The following WDR47 variants were observed in gnomAD, a reference collection of about 807,000 sequenced individuals.
WDR47 encodes WD repeat-containing protein 47.
A neutral mutation model predicts 97.2 loss-of-function variants in WDR47; 32 were observed. That is an observed-to-expected ratio of 0.33 (90% CI 0.25 to 0.44). The LOEUF (loss-of-function observed/expected upper bound fraction) is 0.44. Among genes scored for constraint, WDR47 ranks in the 20% least tolerant of loss-of-function variants. WDR47 has a pLI of 1.00. For synonymous variants in WDR47, 375 were observed against 373.5 expected, an observed-to-expected ratio of 1.00 and a Z score of -0.05; for missense variants, 782 against 1,102.3, an observed-to-expected ratio of 0.71 and a Z score of 4.11.
rs1658072860 is a variant in WDR47, at chr1:108,978,263, CA to C, written c.2398+3469del. On this transcript the variant is annotated intron_variant, in intron 13 of 14. Coordinates refer to ENST00000369962, the MANE Select transcript of WDR47 (RefSeq NM_001142551.2). ...GGCCGAGGCAGGCGGATCACGAGGT[CA>C]GGAGATCGAGACCATCCTGGCTAAC... Among the ~76,000 whole-genome samples the C allele has an allele frequency of 2.6e-5, 4 of 151,526 alleles. No homozygotes were observed. The South Asian group carries it at 8.4e-4, about 32-fold the overall frequency.
intron 11 of WDR47, 149 bp downstream of exon 11, chr1:108,983,133 A>C (rs1308618408): frequency 1.2e-6 from 1 of 849,242 alleles, no homozygotes; most frequent in African/African-American, 1.8e-5. Flanking sequence ...ATACCTCATG[A>C]ATGTAACTAA....
chr1:109,021,430 A>C (rs1174291098), intron 2 of WDR47, among the ~76,000 whole-genome samples: 1 of 150,730 alleles, frequency 6.6e-6, no homozygotes, highest in East Asian at 2.0e-4. Context: ...TGGGAGGCTA[A>C]GGCGAGAGAA....
Position 108,971,178 on chromosome 1 carries a change from A to G in WDR47, c.*252T>C. ...ACTTGGAGTGCACACCAACAACTGA[A>G]GAGCTCTTCTGCAGACTTTGGCAAC... is the stretch of plus-strand genomic sequence containing the variant. On this transcript the variant is annotated 3_prime_UTR_variant, in exon 15 of 15. Transcript: ENST00000369962. 1 of 422,240 alleles carries G rather than the reference A, an allele frequency of 2.4e-6. No homozygotes were observed. Among genetic ancestry groups the G allele is most frequent in the Non-Finnish European group, 4.2e-6 (1 of 235,418 alleles). 26.2% of individuals were successfully genotyped at this position (422,240 alleles called of 1,614,324 possible). A position where few individuals can be genotyped will look rare whatever the true frequency, so the allele number is the denominator to read the frequency against.
intron 5 of WDR47, 61 bp from the exon 6 acceptor site, chr1:109,004,776 T>C: frequency 6.6e-7 from 1 of 1,508,470 alleles, no homozygotes; most frequent in East Asian, 2.4e-5. Flanking sequence ...GAAAATATAT[T>C]TTAGTTAGAG....
At chr1:109,037,207 T>C (rs1182593068) in intron 1 of WDR47, among the ~76,000 whole-genome samples, 1 of 151,850 alleles carries the variant, frequency 6.6e-6, no homozygotes, top group East Asian at 2.0e-4. Flanking sequence ...CACATGCCGG[T>C]AATCCCAGCT....
chr1:108,979,798 C>G (rs1484705073), intron 13 of WDR47, among the ~76,000 whole-genome samples: 1 of 152,024 alleles, frequency 6.6e-6, no homozygotes, highest in African/African-American at 2.4e-5. Context: ...TTATTTTAAC[C>G]AGGGCAATGC....
intron 14 of WDR47, among the ~76,000 whole-genome samples, chr1:108,973,000 GTCTC>G (rs1210661884): frequency 6.7e-6 from 1 of 149,244 alleles, no homozygotes. Flanking sequence ...ATTCTTCTGT[GTCTC>G]TCTCTCTTAG....
rs988937861 is a variant in WDR47 at position 109,007,113 on chromosome 1, T to A, written c.1131-2398A>T. Among the ~76,000 whole-genome samples, 3 of 150,486 alleles carry A rather than the reference T, an allele frequency of 2.0e-5. No homozygotes were observed. In the South Asian group the frequency reaches 6.3e-4, roughly 32 times the overall value. On this transcript the variant is annotated intron_variant, in intron 5 of 14. Transcript: ENST00000369962. ...CCACCATGCTTGGCTAATATTTTTG[T>A]ATTTTTCTGTAGAGACAAGTTTTCA... is the stretch of plus-strand genomic sequence containing the variant.
intron 9 of WDR47, among the ~76,000 whole-genome samples, chr1:108,990,971 T>C (rs749927751): frequency 1.7e-4 from 26 of 151,848 alleles, no homozygotes; most frequent in Admixed American, 1.2e-3. Flanking sequence ...ATACCAACAT[T>C]AGCAGTAAAA....
intron 7 of WDR47, among the ~76,000 whole-genome samples, chr1:108,998,849 A>C (rs975423951): frequency 2.6e-5 from 4 of 152,230 alleles, no homozygotes; most frequent in African/African-American, 9.6e-5. Context: ...TATAGATTCT[A>C]TCTCCATTCA....
At chr1:108,989,479 A>G (rs1659145973) in intron 9 of WDR47, among the ~76,000 whole-genome samples, 2 of 152,350 alleles carry the variant, frequency 1.3e-5, no homozygotes, top group South Asian at 2.1e-4. Context: ...TTCTGATATT[A>G]TTTGTATGAA....
At position 108,974,600 on chromosome 1, in the gene WDR47, G is replaced by A; in HGVS notation, c.2553C>T (p.Ser851=). 1 of 1,614,090 alleles carries A rather than the reference G, an allele frequency of 6.2e-7. No individual in the cohort carries two copies. The highest frequency in any genetic ancestry group is 8.5e-7 in the Non-Finnish European group (1 of 1,180,000). The stretch of plus-strand genomic sequence containing the variant: ...CTGTTAGCAAGTAGTGAGCTCCAGG[G>A]GAGAATCGAACAGAGCGAACATCAC... ...HSSDVRSVRF[S]PGAHYLLTGS... is the part of the protein sequence containing the mutation. The change falls in exon 14 of 15, where the codon TCC becomes TCT. Residue 851 remains serine, a synonymous_variant. Coordinates refer to ENST00000369962, the MANE Select transcript of WDR47 (RefSeq NM_001142551.2).
At chr1:108,981,577 A>C (rs1357170987) in intron 13 of WDR47, among the ~76,000 whole-genome samples, 156 bp downstream of exon 13, 5 of 152,234 alleles carry the variant, frequency 3.3e-5, no homozygotes, top group Admixed American at 3.3e-4. Flanking sequence ...ATAAGGTAAC[A>C]AATGCAAGTA....
intron 10 of WDR47, among the ~76,000 whole-genome samples, chr1:108,984,739 A>ATGG (rs1301313655): frequency 6.6e-6 from 1 of 152,070 alleles, no homozygotes; most frequent in Non-Finnish European, 1.5e-5. Flanking sequence ...TCAGCTAGGC[A>ATGG]TCGTGGTGCA....
chr1:108,995,488 A>G (rs1180535027), intron 8 of WDR47, 92 bp downstream of exon 8: 20 of 1,482,780 alleles, frequency 1.3e-5, no homozygotes. Flanking sequence ...AGCTCTAAAA[A>G]CTTTTATTTA....
chr1:109,006,945 A>AT (rs990915250), intron 5 of WDR47, among the ~76,000 whole-genome samples: 8 of 150,122 alleles, frequency 5.3e-5, no homozygotes, highest in East Asian at 3.9e-4. Context: ...GAAAAAAAAA[A>AT]TTTTTTTTTT....
rs1170442220 is a variant in WDR47, at chr1:109,013,829, T to TA, written c.327+11dup. 1 of 1,612,646 alleles carries TA rather than the reference T, an allele frequency of 6.2e-7. No homozygotes were observed. The highest frequency in any genetic ancestry group is 2.2e-5 in the East Asian group (1 of 44,832). ...AGACTAGGGCGCAAACCTTCAGGAA[T>TA]AAAAATCTTACATGCTGGGGCTCAT... is the stretch of plus-strand genomic sequence containing the variant. On this transcript the variant is annotated intron_variant, in intron 4 of 14. Coordinates refer to ENST00000369962, the MANE Select transcript of WDR47 (RefSeq NM_001142551.2).
intron 1 of WDR47, among the ~76,000 whole-genome samples, chr1:109,026,225 A>G (rs1469025533): frequency 1.3e-5 from 2 of 151,508 alleles, no homozygotes; most frequent in East Asian, 3.9e-4. Context: ...TTTTTATTTT[A>G]CTTTTTGTAG....
chr1:108,974,089 A>AGGGCT (rs1657695464), intron 14 of WDR47, among the ~76,000 whole-genome samples: 1 of 151,900 alleles, frequency 6.6e-6, no homozygotes. Flanking sequence ...AGCTACTTGC[A>AGGGCT]GGGCTGAGGT....
Sources: gnomAD v4.1 joint callset for allele counts (sites outside exome capture counted in the v4.1 genomes callset) on GRCh38, gnomAD v4.1.1 for gene constraint, MANE v1.5 for transcripts, NCBI Gene and HGNC (gene_info 2026-07-23, HGNC 2026-07-21) for gene names.